KGD4: variants seen among roughly 807,000 people sequenced by gnomAD.
The protein encoded by KGD4 is alpha-ketoglutarate dehydrogenase subunit 4, also known as alpha-ketoglutarate dehydrogenase component 4.
At chr5:69,217,918 GCTGA>G in the KGD4 span, 19 of 1,613,598 alleles carry the variant, frequency 1.2e-5, no homozygotes, top group South Asian at 3.3e-5. Context: ...TAGGGACGGT[GCTGA>G]CTATGGCGAC....
At chr5:69,221,508 C>T in the KGD4 span, among the ~76,000 whole-genome samples, 53 of 152,164 alleles carry the variant, frequency 3.5e-4, no homozygotes, top group Middle Eastern at 0.014. Flanking sequence ...TTTGACAAAA[C>T]GAGCAAAGGG....
the KGD4 span, among the ~76,000 whole-genome samples, chr5:69,222,951 T>A: frequency 6.6e-6 from 1 of 151,488 alleles, no homozygotes; most frequent in African/African-American, 2.4e-5. Flanking sequence ...AATTTTTTTA[T>A]TTTTTTAGTA....
At chr5:69,219,323 G>C in the KGD4 span, among the ~76,000 whole-genome samples, 2 of 152,244 alleles carry the variant, frequency 1.3e-5, no homozygotes, top group South Asian at 4.1e-4. Flanking sequence ...GTCTCTGTAC[G>C]TAAATGTTCA....
chr5:69,225,090 A>G, the KGD4 span, among the ~76,000 whole-genome samples: 1 of 150,594 alleles, frequency 6.6e-6, no homozygotes, highest in Non-Finnish European at 1.5e-5. Context: ...GAAAAAAAAA[A>G]AAAAGGCAGT....
the KGD4 span, among the ~76,000 whole-genome samples, chr5:69,218,470 A>ATGTGTGTGTGTGTGTGTGTGTGTG: frequency 5.9e-4 from 87 of 148,628 alleles, no homozygotes; most frequent in East Asian, 2.2e-3. Context: ...GTGTATATTA[A>ATGTGTGTGTGTGTGTGTGTGTGTG]TGTGTGTGTG....
the KGD4 span, chr5:69,229,207 G>A: frequency 1.2e-6 from 2 of 1,609,812 alleles, no homozygotes; most frequent in Non-Finnish European, 1.7e-6. Flanking sequence ...TTCCTTTTCA[G>A]CGTGGAGGTC....
chr5:69,224,349 C>G, the KGD4 span, among the ~76,000 whole-genome samples: 3 of 150,768 alleles, frequency 2.0e-5, no homozygotes, highest in African/African-American at 7.4e-5. Flanking sequence ...AGAGATTACG[C>G]CACTACATTC....
At chr5:69,229,189 T>C in the KGD4 span, 1 of 1,608,476 alleles carries the variant, frequency 6.2e-7, no homozygotes, top group African/African-American at 1.3e-5. Context: ...ATCTTACTGC[T>C]TTATTTTTTC....
the KGD4 span, chr5:69,226,412 T>C: frequency 6.4e-7 from 1 of 1,558,456 alleles, no homozygotes. Flanking sequence ...GTGAGTTGTA[T>C]TTTATTTAAA....
the KGD4 span, chr5:69,217,952 G>T: frequency 6.2e-7 from 1 of 1,609,830 alleles, no homozygotes; most frequent in African/African-American, 1.3e-5. Flanking sequence ...GAGTAAAGGC[G>T]GTGGCAGAGG....
chr5:69,219,230 C>CT, the KGD4 span, among the ~76,000 whole-genome samples: 1 of 152,160 alleles, frequency 6.6e-6, no homozygotes, highest in African/African-American at 2.4e-5. Context: ...CTGTCAGTCT[C>CT]TAATAGTTAA....
chr5:69,218,160 T>C, the KGD4 span: 24 of 515,062 alleles, frequency 4.7e-5, no homozygotes, highest in South Asian at 5.8e-4. Flanking sequence ...CGCCAGGACC[T>C]TGTTAGTCTT....
the KGD4 span, among the ~76,000 whole-genome samples, chr5:69,226,849 A>G: frequency 7.1e-6 from 1 of 140,530 alleles, no homozygotes; most frequent in East Asian, 2.0e-4. Flanking sequence ...CTTTGTCTCA[A>G]AAAAAAAAAA....
the KGD4 span, among the ~76,000 whole-genome samples, chr5:69,220,073 T>C: frequency 1.7e-4 from 26 of 151,576 alleles, 2 homozygotes; most frequent in African/African-American, 5.3e-4. Context: ...CTATAAAAAT[T>C]TTAAAAAATT....
chr5:69,220,236 A>AC, the KGD4 span, among the ~76,000 whole-genome samples: 3 of 152,098 alleles, frequency 2.0e-5, no homozygotes, highest in African/African-American at 7.2e-5. Flanking sequence ...CAAAAAAAAA[A>AC]AACAAAAAAA....
the KGD4 span, among the ~76,000 whole-genome samples, chr5:69,222,143 C>T: frequency 1.7e-4 from 26 of 151,878 alleles, no homozygotes; most frequent in East Asian, 5.1e-3. Context: ...TGCAGAAGTG[C>T]TTAGTTTTCT....
chr5:69,229,219 T>C, the KGD4 span: 1 of 1,609,808 alleles, frequency 6.2e-7, no homozygotes, highest in Non-Finnish European at 8.5e-7. Context: ...GTGGAGGTCC[T>C]GAATAACCAT....
chr5:69,220,377 T>C, the KGD4 span, among the ~76,000 whole-genome samples: 1 of 152,170 alleles, frequency 6.6e-6, no homozygotes, highest in South Asian at 2.1e-4. Flanking sequence ...CAAAGCCAGC[T>C]GGGCACGGTG....
At chr5:69,221,509 G>A in the KGD4 span, among the ~76,000 whole-genome samples, 2 of 152,154 alleles carry the variant, frequency 1.3e-5, no homozygotes, top group South Asian at 2.1e-4. Flanking sequence ...TTGACAAAAC[G>A]AGCAAAGGGA....
Sources: allele counts gnomAD v4.1 joint callset (sites outside exome capture counted in the v4.1 genomes callset), GRCh38; gene constraint gnomAD v4.1.1; transcripts MANE v1.5; gene names NCBI Gene and HGNC (gene_info 2026-07-23, HGNC 2026-07-21).